The following PCDH7 variants were observed in gnomAD, a reference collection of about 807,000 sequenced individuals.
The protein encoded by PCDH7 is protocadherin 7.
PCDH7 carries 17 observed loss-of-function variants against 58.9 expected under a neutral mutation model. The observed-to-expected ratio is 0.29, with a 90% confidence interval of 0.20 to 0.43. PCDH7 has a LOEUF of 0.43. PCDH7 is among the 20% of genes least tolerant of loss of function. The pLI is 1.00. For synonymous variants in PCDH7, 664 were observed against 616.4 expected (o/e 1.08, Z -1.14); for missense variants, 1,274 against 1,441.0 (o/e 0.88, Z 1.88).
chr4:31,106,973 C>G (rs1715652493), intron 3 of PCDH7, among the ~76,000 whole-genome samples: 1 of 152,186 alleles, frequency 6.6e-6, no homozygotes, highest in Non-Finnish European at 1.5e-5. Context: ...CTCTATCCTA[C>G]TCATACTAAT....
chr4:30,967,926 A>T lies in PCDH7; in HGVS notation c.*7+17711A>T, dbSNP rs192285934. ...TAGCAGAGCTGATATCATAACTCAG[A>T]CAAAAATTGATTTGTGTGCCTCACT... On this transcript the variant is annotated intron_variant, in intron 3 of 3. Coordinates refer to the PCDH7 transcript ENST00000509759. Among the ~76,000 whole-genome samples, 809 of 152,240 alleles carry T rather than the reference A, an allele frequency of 5.3e-3. 10 individuals carry two copies. The highest frequency in any genetic ancestry group is 0.014 in the African/African-American group (592 of 41,544).
At chr4:30,965,096 T>C (rs906152274) in intron 3 of PCDH7, among the ~76,000 whole-genome samples, 6 of 152,226 alleles carry the variant, frequency 3.9e-5, no homozygotes, top group Non-Finnish European at 8.8e-5. Flanking sequence ...CAGCTCTTTA[T>C]TTCTGTTGGT....
intron 1 of PCDH7, among the ~76,000 whole-genome samples, chr4:30,791,419 C>A (rs1158502815): frequency 6.6e-6 from 1 of 152,030 alleles, no homozygotes; most frequent in Admixed American, 6.6e-5. Context: ...ATTAACCCAG[C>A]CTATGTGTGG....
intron 1 of PCDH7, among the ~76,000 whole-genome samples, chr4:30,859,810 C>G (rs745692195): frequency 6.6e-6 from 1 of 152,090 alleles, no homozygotes; most frequent in African/African-American, 2.4e-5. Context: ...TGGAAGGAAA[C>G]TAAAAGCCAA....
At chr4:30,803,417 C>T (rs1242157000) in intron 1 of PCDH7, among the ~76,000 whole-genome samples, 1 of 151,930 alleles carries the variant, frequency 6.6e-6, no homozygotes, top group Non-Finnish European at 1.5e-5. Context: ...CAATAAAACA[C>T]CAGCTGCCAA....
intron 1 of PCDH7, among the ~76,000 whole-genome samples, chr4:30,802,959 G>A (rs1391667834): frequency 1.3e-5 from 2 of 152,084 alleles, no homozygotes; most frequent in East Asian, 1.9e-4. Context: ...AATGGGATTG[G>A]CAAGGCAGCT....
intron 1 of PCDH7, among the ~76,000 whole-genome samples, chr4:30,849,719 A>T (rs986407120): frequency 1.3e-5 from 2 of 152,056 alleles, no homozygotes; most frequent in South Asian, 4.1e-4. Flanking sequence ...TCTTCCACTA[A>T]GACCCTCGCA....
At chr4:31,000,562 G>A (rs1752283301) in intron 3 of PCDH7, among the ~76,000 whole-genome samples, 1 of 151,926 alleles carries the variant, frequency 6.6e-6, no homozygotes. Flanking sequence ...GTTGTTTATG[G>A]GGAAAAGAGA....
intron 3 of PCDH7, among the ~76,000 whole-genome samples, chr4:31,052,443 A>G (rs1756833990): frequency 6.6e-6 from 1 of 152,164 alleles, no homozygotes; most frequent in Admixed American, 6.6e-5. Context: ...TTAAAGTTTT[A>G]TTGAGAGGTG....
chr4:30,781,362 G>A (rs1280609899), intron 1 of PCDH7, among the ~76,000 whole-genome samples: 7 of 151,634 alleles, frequency 4.6e-5, no homozygotes, highest in South Asian at 2.1e-4. Flanking sequence ...GGATGTTCTC[G>A]ATCTCCTGAC....
intron 3 of PCDH7, among the ~76,000 whole-genome samples, chr4:31,036,867 G>T (rs901063375): frequency 6.6e-6 from 1 of 152,268 alleles, no homozygotes; most frequent in South Asian, 2.1e-4. Flanking sequence ...ATGGTGAAAA[G>T]TGAAAGGCAT....
At position 31,072,770 on chromosome 4, in the gene PCDH7, T is replaced by C. The variant is rs2109255099; in HGVS notation, c.*8-69703T>C. Among the ~76,000 whole-genome samples the C allele has an allele frequency of 2.0e-5, 3 of 152,270 alleles. No homozygotes were observed. In the South Asian group the frequency reaches 6.2e-4, roughly 32 times the overall value. ...CATATTCACCCATTAATTCACTCAT[T>C]CATTGAGTTCATGGAGTTCCTGCAA... On this transcript the variant is annotated intron_variant, in intron 3 of 3. Transcript: ENST00000509759.
At chr4:30,882,648 T>C (rs1398290612) in intron 1 of PCDH7, among the ~76,000 whole-genome samples, 1 of 152,216 alleles carries the variant, frequency 6.6e-6, no homozygotes, top group Non-Finnish European at 1.5e-5. Context: ...TTGGTGTTTC[T>C]ATCATCTCTA....
At chr4:30,998,297 A>G (rs1004549867) in intron 3 of PCDH7, among the ~76,000 whole-genome samples, 1 of 152,154 alleles carries the variant, frequency 6.6e-6, no homozygotes, top group African/African-American at 2.4e-5. Flanking sequence ...GTGGAATGCC[A>G]TTGAAGAGAT....
intron 3 of PCDH7, among the ~76,000 whole-genome samples, chr4:31,034,401 T>A (rs990613826): frequency 7.2e-5 from 11 of 152,218 alleles, no homozygotes; most frequent in African/African-American, 2.7e-4. Context: ...TTAACAATAA[T>A]TACGATATAA....
At chr4:30,799,840 G>A (rs112666026) in intron 1 of PCDH7, among the ~76,000 whole-genome samples, 2 of 151,086 alleles carry the variant, frequency 1.3e-5, no homozygotes, top group Non-Finnish European at 2.9e-5. Context: ...TTCTTAATTT[G>A]CTATTTATGA....
At chr4:30,883,018 T>C (rs1409926720) in intron 1 of PCDH7, among the ~76,000 whole-genome samples, 1 of 152,222 alleles carries the variant, frequency 6.6e-6, no homozygotes. Flanking sequence ...TTTTGCCTTC[T>C]TCTCTGACAC....
intron 2 of PCDH7, among the ~76,000 whole-genome samples, chr4:30,942,100 T>C (rs1054714134): frequency 1.3e-5 from 2 of 151,964 alleles, no homozygotes; most frequent in African/African-American, 4.8e-5. Context: ...TTTACCATAA[T>C]ATATCCAGCG....
chr4:30,963,300 T>A (rs1560537634), intron 3 of PCDH7, among the ~76,000 whole-genome samples: 2 of 152,342 alleles, frequency 1.3e-5, no homozygotes, highest in East Asian at 3.9e-4. Flanking sequence ...TTCCTACCTT[T>A]GGTAAGTTGT....
Sources: allele counts gnomAD v4.1 joint callset (sites outside exome capture counted in the v4.1 genomes callset), GRCh38; gene constraint gnomAD v4.1.1; transcripts MANE v1.5; gene names NCBI Gene and HGNC (gene_info 2026-07-23, HGNC 2026-07-21).